The following KCNMA1 variants were observed in gnomAD, a reference collection of about 807,000 sequenced individuals.
The protein encoded by KCNMA1 is potassium calcium-activated channel subfamily M alpha 1, also known as Calcium-activated potassium channel subunit alpha-1.
In KCNMA1, 29 loss-of-function variants were observed where a neutral mutation model predicts 140.0. The ratio of observed to expected loss-of-function variants is 0.21; its 90% CI spans 0.15 to 0.28. The LOEUF is 0.28. Among genes scored for constraint, KCNMA1 ranks in the 10% least tolerant of loss-of-function variants. The pLI is 1.00. For missense variants in KCNMA1, 880 were observed against 1,602.2 expected (o/e 0.55, Z 7.70); for synonymous variants, 612 against 611.9 (o/e 1.00, Z 0.00).
chr10:77,422,861 AGGGAGGC>A (rs2096896762), intron 1 of KCNMA1, among the ~76,000 whole-genome samples: 3 of 152,214 alleles, frequency 2.0e-5, no homozygotes, highest in Admixed American at 2.0e-4. Flanking sequence ...CAGGCTTCAG[AGGGAGGC>A]TGGCCCTGCT....
chr10:77,215,362 T>G (rs551063152), intron 3 of KCNMA1, among the ~76,000 whole-genome samples: 1 of 140,880 alleles, frequency 7.1e-6, no homozygotes, highest in South Asian at 2.2e-4. Flanking sequence ...GATTACAGAT[T>G]GCACCTGTTT....
At chr10:77,290,533 A>G (rs10762755) in intron 2 of KCNMA1, among the ~76,000 whole-genome samples, 56,045 of 152,052 alleles carry the variant, frequency 0.37, 11,790 homozygotes, top group African/African-American at 0.56. Flanking sequence ...GAAGGGTTGT[A>G]TCTTCAAGCA....
At chr10:77,062,440 G>T (rs953733461) in intron 14 of KCNMA1, among the ~76,000 whole-genome samples, 1 of 152,130 alleles carries the variant, frequency 6.6e-6, no homozygotes, top group Non-Finnish European at 1.5e-5. Context: ...TTTCACACAT[G>T]GGAAGTCTAT....
At chr10:77,019,408 G>T in intron 16 of KCNMA1, 1 of 327,510 alleles carries the variant, frequency 3.1e-6, no homozygotes, top group South Asian at 4.4e-5. Flanking sequence ...CACATGATTT[G>T]AAGCAAAGTC....
intron 2 of KCNMA1, among the ~76,000 whole-genome samples, chr10:77,347,486 T>C (rs2092340082): frequency 6.6e-6 from 1 of 152,170 alleles, no homozygotes; most frequent in South Asian, 2.1e-4. Flanking sequence ...TGGGCCCCTG[T>C]CTGAGGCTGG....
chr10:77,307,185 A>G (rs114969476), intron 2 of KCNMA1, among the ~76,000 whole-genome samples: 53 of 152,322 alleles, frequency 3.5e-4, no homozygotes, highest in African/African-American at 1.1e-3. Context: ...CAACAAGGCT[A>G]CAAGGGTTTT....
In KCNMA1 at chr10:77,299,698, C is replaced by G. The variant is rs184629800; in HGVS notation, c.541-48442G>C. On this transcript the variant is annotated intron_variant, in intron 2 of 27. Coordinates refer to ENST00000286628, the MANE Select transcript of KCNMA1 (RefSeq NM_001161352.2). The stretch of plus-strand genomic sequence containing the variant: ...AGGGGGAAAGCCTGCACAAGAAGAC[C>G]GAGGGTCTGGAAATCAGAACCTGGT... Among the ~76,000 whole-genome samples the G allele has an allele frequency of 2.1e-4, 32 of 152,234 alleles. No homozygotes were observed. In the Middle Eastern group the frequency reaches 0.01, roughly 49 times the overall value.
intron 25 of KCNMA1, among the ~76,000 whole-genome samples, chr10:76,907,968 A>G (rs2048473024): frequency 6.6e-6 from 1 of 152,184 alleles, no homozygotes; most frequent in Non-Finnish European, 1.5e-5. Flanking sequence ...ATGTAGAAAC[A>G]TAAACAATTT....
intron 9 of KCNMA1, chr10:77,091,047 G>C (rs2153795142): frequency 6.0e-6 from 1 of 166,068 alleles, no homozygotes; most frequent in South Asian, 1.6e-4. Flanking sequence ...CTGGCCATAA[G>C]CAGTAAAAAG....
chr10:77,283,692 A>G (rs2069555490), intron 2 of KCNMA1, among the ~76,000 whole-genome samples: 1 of 152,236 alleles, frequency 6.6e-6, no homozygotes, highest in Non-Finnish European at 1.5e-5. Context: ...TATACTGCAG[A>G]TACTTAATGG....
chr10:77,575,671 C>A (rs146070873), intron 1 of KCNMA1, among the ~76,000 whole-genome samples: 1 of 152,364 alleles, frequency 6.6e-6, no homozygotes, highest in Non-Finnish European at 1.5e-5. Flanking sequence ...ATTGGCTGCA[C>A]ATTAGGATCA....
chr10:77,157,589 C>G (rs1207809928), intron 5 of KCNMA1, among the ~76,000 whole-genome samples: 3 of 152,072 alleles, frequency 2.0e-5, no homozygotes, highest in Admixed American at 1.3e-4. Context: ...TCCAGACTTG[C>G]TTTACTTGAT....
chr10:77,360,874 G>C (rs2093887459), intron 2 of KCNMA1, among the ~76,000 whole-genome samples: 1 of 152,192 alleles, frequency 6.6e-6, no homozygotes, highest in Non-Finnish European at 1.5e-5. Flanking sequence ...TGGGGCACTA[G>C]CACGGAGGCC....
intron 3 of KCNMA1, among the ~76,000 whole-genome samples, chr10:77,205,812 A>G (rs1166525983): frequency 6.6e-6 from 1 of 152,198 alleles, no homozygotes; most frequent in East Asian, 1.9e-4. Context: ...TTAAAAAATC[A>G]GGACGACTTT....
intron 2 of KCNMA1, among the ~76,000 whole-genome samples, chr10:77,258,221 A>AT (rs1389969847): frequency 5.3e-5 from 8 of 152,248 alleles, no homozygotes; most frequent in African/African-American, 1.9e-4. Flanking sequence ...CCATGTATAC[A>AT]TAAGTCTGAT....
chr10:76,920,018 G>GTATA (rs1340604804), intron 23 of KCNMA1, among the ~76,000 whole-genome samples: 1,389 of 43,392 alleles, frequency 0.032, 76 homozygotes, highest in Admixed American at 0.1. Context: ...GTGTGTGTGT[G>GTATA]TGTATATATA....
At chr10:77,415,441 G>C (rs1364967377) in intron 1 of KCNMA1, among the ~76,000 whole-genome samples, 4 of 152,198 alleles carry the variant, frequency 2.6e-5, no homozygotes, top group African/African-American at 9.7e-5. Context: ...TCAGCTGCCA[G>C]TCTGCAGGGC....
intron 14 of KCNMA1, among the ~76,000 whole-genome samples, chr10:77,042,896 A>T (rs2094818406): frequency 6.6e-6 from 1 of 152,210 alleles, no homozygotes; most frequent in Admixed American, 6.5e-5. Flanking sequence ...TAATCTTAGG[A>T]TCTGTTCTAG....
At chr10:77,071,684 G>A (rs1178929175) in intron 14 of KCNMA1, 1 of 152,182 alleles carries the variant, frequency 6.6e-6, no homozygotes, top group Non-Finnish European at 1.5e-5. Context: ...AGCTGGATCT[G>A]AGCTCAGAGT....
Sources: allele counts gnomAD v4.1 joint callset (sites outside exome capture counted in the v4.1 genomes callset), GRCh38; gene constraint gnomAD v4.1.1; transcripts MANE v1.5; gene names NCBI Gene and HGNC (gene_info 2026-07-23, HGNC 2026-07-21).